The following SPATA13 variants were observed in gnomAD, a reference collection of about 807,000 sequenced individuals.
The protein encoded by SPATA13 is spermatogenesis associated 13, also known as spermatogenesis-associated protein 13.
Under a neutral mutation model 104.0 loss-of-function variants are expected in SPATA13, and 50 were observed. That is an observed-to-expected ratio of 0.48 (90% CI 0.38 to 0.61). SPATA13 has a LOEUF of 0.61. SPATA13 is among the 20% of genes least tolerant of loss of function. The probability of loss-of-function intolerance (pLI) is 0.00; values close to 1 mark genes in which losing one functional copy is unlikely to be tolerated. For missense variants in SPATA13, 1,524 were observed against 1,690.6 expected (o/e 0.90, Z 1.73); for synonymous variants, 606 against 667.5 (o/e 0.91, Z 1.42).
chr13:24,044,092 A>C (rs1878036973), intron 3 of SPATA13, among the ~76,000 whole-genome samples: 1 of 152,204 alleles, frequency 6.6e-6, no homozygotes, highest in South Asian at 2.1e-4. Flanking sequence ...AAAGCCCGGA[A>C]GGTGGAGGGC....
intron 3 of SPATA13, among the ~76,000 whole-genome samples, chr13:24,107,811 T>G (rs1169428991): frequency 2.0e-5 from 3 of 152,226 alleles, no homozygotes; most frequent in Non-Finnish European, 4.4e-5. Context: ...TAATAAGATG[T>G]GTACTGCTCT....
rs142648334 is a variant in SPATA13, at chr13:24,260,168, T to G, written c.2164+8306T>G. Among the ~76,000 whole-genome samples the G allele has an allele frequency of 2.6e-3, 393 of 152,284 alleles. 4 individuals are homozygous for G. Among genetic ancestry groups the G allele is most frequent in the African/African-American group, 9.2e-3 (383 of 41,556 alleles). On this transcript the variant is annotated intron_variant, in intron 4 of 12. Transcript: ENST00000382108. ...AAACGGGGAGCATGTCAGTCGGATC[T>G]GGGCTGTCCCAAGCCCTCATGGAGG...
intron 3 of SPATA13, among the ~76,000 whole-genome samples, chr13:24,087,503 A>G (rs1879771567): frequency 6.6e-6 from 1 of 152,248 alleles, no homozygotes; most frequent in South Asian, 2.1e-4. Context: ...TTTTACTGCA[A>G]CGTTAATAGA....
At chr13:23,989,735 A>G (rs1180648300) in intron 2 of SPATA13, among the ~76,000 whole-genome samples, 2 of 152,176 alleles carry the variant, frequency 1.3e-5, no homozygotes, top group Admixed American at 6.5e-5. Context: ...CTAAAATTCT[A>G]TGCTGAAATC....
chr13:24,015,322 A>AT (rs1876661155), intron 2 of SPATA13, among the ~76,000 whole-genome samples: 1 of 152,096 alleles, frequency 6.6e-6, no homozygotes, highest in Non-Finnish European at 1.5e-5. Context: ...ACATTATTTA[A>AT]TTTTTTTCCC....
Position 24,048,339 on chromosome 13 carries a change from A to C in SPATA13, c.-112+30638A>C, listed in dbSNP as rs558901309. Among the ~76,000 whole-genome samples the C allele has an allele frequency of 5.3e-5, 8 of 151,916 alleles. No individual in the cohort carries two copies. In the South Asian group the frequency reaches 1.4e-3, roughly 28 times the overall value. On this transcript the variant is annotated intron_variant, in intron 3 of 14. Coordinates refer to the SPATA13 transcript ENST00000424834. ...GAAAATAAGATACAATATAATATAC[A>C]AAGCAACATGTAACTAAACATATAA...
intron 2 of SPATA13, among the ~76,000 whole-genome samples, chr13:24,240,525 CG>C (rs746711746): frequency 6.6e-6 from 1 of 152,026 alleles, no homozygotes; most frequent in African/African-American, 2.4e-5. Context: ...GACATGGTCA[CG>C]GGCTGGGATG....
intron 2 of SPATA13, among the ~76,000 whole-genome samples, chr13:24,227,379 T>C (rs553988792): frequency 6.6e-6 from 1 of 152,340 alleles, no homozygotes; most frequent in African/African-American, 2.4e-5. Flanking sequence ...GACCATTTTA[T>C]GGTTTTATAT....
rs1453372154 is a variant in SPATA13 at position 24,051,067 on chromosome 13, G to A, written c.-112+33366G>A. 6.6e-6 allele frequency among the ~76,000 whole-genome samples: 1 copy of A among 152,166 alleles called. No individual in the cohort carries two copies. Among genetic ancestry groups the A allele is most frequent in the Non-Finnish European group, 1.5e-5 (1 of 68,036 alleles). On this transcript the variant is annotated intron_variant, in intron 3 of 14. Transcript: ENST00000424834. The surrounding 1 kb of genome is among the most constrained non-coding windows in gnomAD (Gnocchi z 4.2). ...CCATCCACCAGCTGGGTAGCTGTGG[G>A]AGCACCTCTTTCCTTCTCCGGATTT...
intron 2 of SPATA13, among the ~76,000 whole-genome samples, chr13:23,993,952 G>C (rs1170484369): frequency 6.6e-6 from 1 of 150,792 alleles, no homozygotes; most frequent in African/African-American, 2.4e-5. Flanking sequence ...CTGGGAAGTG[G>C]TGGGTGATGG....
upstream of SPATA13, among the ~76,000 whole-genome samples, chr13:24,159,476 G>A (rs545397501): frequency 2.6e-5 from 4 of 152,250 alleles, no homozygotes; most frequent in East Asian, 1.9e-4. Flanking sequence ...GAAAGTACAC[G>A]GAGTTCTGAT....
intron 9 of SPATA13, among the ~76,000 whole-genome samples, chr13:24,293,423 T>C (rs1433181740): frequency 6.6e-6 from 1 of 152,138 alleles, no homozygotes. Flanking sequence ...GCAGGCAGCT[T>C]AGTACATTCC....
At chr13:24,145,877 G>A (rs1881912298) in intron 3 of SPATA13, among the ~76,000 whole-genome samples, 1 of 152,178 alleles carries the variant, frequency 6.6e-6, no homozygotes, top group Admixed American at 6.5e-5. Context: ...GGAGGAGAGA[G>A]AGCTCTATGC....
intron 1 of SPATA13, among the ~76,000 whole-genome samples, chr13:24,191,001 C>T (rs1869701781): frequency 1.3e-5 from 2 of 152,100 alleles, no homozygotes; most frequent in African/African-American, 4.8e-5. Flanking sequence ...CAGTAACCAC[C>T]ACCCAGATCA....
intron 4 of SPATA13, among the ~76,000 whole-genome samples, chr13:24,267,540 AG>A (rs1874353711): frequency 6.6e-6 from 1 of 152,188 alleles, no homozygotes; most frequent in Non-Finnish European, 1.5e-5. Flanking sequence ...AGTGAAAGTG[AG>A]CAAACAGCCT....
At position 24,133,287 on chromosome 13, in the gene SPATA13, AG is replaced by A. The variant is rs567595984; in HGVS notation, c.-111-89531del. On this transcript the variant is annotated intron_variant, in intron 3 of 14. Coordinates refer to the SPATA13 transcript ENST00000424834. ...ATGTGAAACACTAAGTACTTAGCCC[AG>A]TGAGATTAAGTTCATCTGGTAGAGA... Among the ~76,000 whole-genome samples the A allele has an allele frequency of 2.6e-3, 397 of 152,310 alleles. 3 individuals carry two copies. The highest frequency in any genetic ancestry group is 9.4e-3 in the African/African-American group (390 of 41,556).
At chr13:24,198,534 G>A (rs559584420) in intron 1 of SPATA13, among the ~76,000 whole-genome samples, 3 of 152,286 alleles carry the variant, frequency 2.0e-5, no homozygotes, top group East Asian at 1.9e-4. Flanking sequence ...TCCCACAGAG[G>A]CGTTGTTGAG....
intron 2 of SPATA13, among the ~76,000 whole-genome samples, chr13:24,235,685 A>G (rs1195800814): frequency 6.6e-6 from 1 of 152,170 alleles, no homozygotes; most frequent in African/African-American, 2.4e-5. Context: ...GGAGCCTAGG[A>G]GATCGAGGCC....
intron 2 of SPATA13, among the ~76,000 whole-genome samples, chr13:24,225,945 G>A (rs771147781): frequency 6.6e-6 from 1 of 152,192 alleles, no homozygotes; most frequent in African/African-American, 2.4e-5. Flanking sequence ...GTGGACAAAC[G>A]GAGGGTGAGC....
Sources: gnomAD v4.1 joint callset for allele counts (sites outside exome capture counted in the v4.1 genomes callset) on GRCh38, gnomAD v4.1.1 for gene constraint, Gnocchi (gnomAD v3.1) non-coding constraint, MANE v1.5 for transcripts, NCBI Gene and HGNC (gene_info 2026-07-23, HGNC 2026-07-21) for gene names.